Variants in GLI3 observed in about 807,000 individuals in gnomAD.
GLI3 encodes the protein transcription activator GLI3.
In GLI3, 20 loss-of-function variants were observed where a neutral mutation model predicts 100.8. That is an observed-to-expected ratio of 0.20 (90% CI 0.14 to 0.29). GLI3 has a LOEUF of 0.29. GLI3 is among the 10% of genes least tolerant of loss of function. The pLI, the probability that GLI3 is intolerant of heterozygous loss-of-function variation, is 1.00. For missense variants in GLI3, 2,040 were observed against 2,128.5 expected (o/e 0.96, Z 0.82); for synonymous variants, 938 against 860.5 (o/e 1.09, Z -1.58).
chr7:42,077,007 G>T, intron 3 of GLI3, 150 bp from the exon 4 acceptor site: 1 of 691,896 alleles, frequency 1.4e-6, no homozygotes. Context: ...TAGTTATGAA[G>T]CTCTGTGAGG....
intron 2 of GLI3, among the ~76,000 whole-genome samples, chr7:42,158,141 A>G (rs1787047054): frequency 6.6e-6 from 1 of 152,206 alleles, no homozygotes; most frequent in Admixed American, 6.5e-5. Flanking sequence ...CACTCTGGAA[A>G]GGCATAAATG....
rs374088219 is a variant in GLI3, at chr7:41,965,718, C to T, written c.3355G>A (p.Asp1119Asn). The change falls in exon 15 of 15, where the codon GAC (aspartate) becomes AAC (asparagine). Residue 1119 changes from aspartate to asparagine, a missense_variant. By Grantham distance (23) the Asp-to-Asn change is conservative. Coordinates refer to ENST00000395925, the MANE Select transcript of GLI3 (RefSeq NM_000168.6). Reference protein sequence around the residue: ...EQHFPSALPDDSKVPHGPGDF... With the variant: ...EQHFPSALPDNSKVPHGPGDF... ...CCGGGCCCGTGGGGCACTTTGCTGT[C>T]GTCCGGGAGGGCGCTGGGGAAGTGC... 3.1e-6 allele frequency: 5 copies of T among 1,613,714 alleles called. No individual in the cohort carries two copies. The highest frequency in any genetic ancestry group is 2.2e-5 in the East Asian group (1 of 44,828).
intron 2 of GLI3, among the ~76,000 whole-genome samples, chr7:42,166,982 C>G (rs1279878214): frequency 6.6e-6 from 1 of 152,050 alleles, no homozygotes; most frequent in African/African-American, 2.4e-5. Context: ...CATGCCACCA[C>G]GCCTGACTAA....
intron 5 of GLI3, among the ~76,000 whole-genome samples, chr7:42,048,017 G>C (rs963335231): frequency 2.0e-5 from 3 of 152,180 alleles, no homozygotes; most frequent in African/African-American, 7.2e-5. Context: ...AGTTTGGGAA[G>C]CCCTCCTCTA....
At chr7:42,207,291 C>T (rs577439387) in intron 2 of GLI3, among the ~76,000 whole-genome samples, 26 of 152,136 alleles carry the variant, frequency 1.7e-4, no homozygotes, top group Non-Finnish European at 3.2e-4. Context: ...ATCAACAGAG[C>T]GTTTCTTTCT....
intron 3 of GLI3, among the ~76,000 whole-genome samples, chr7:42,097,734 C>T (rs1319485817): frequency 1.3e-5 from 2 of 152,170 alleles, no homozygotes; most frequent in Admixed American, 1.3e-4. Flanking sequence ...AGTGAGTAAA[C>T]GTGTAATTCT....
chr7:42,124,970 C>G (rs1210599679), intron 3 of GLI3, among the ~76,000 whole-genome samples: 1 of 152,124 alleles, frequency 6.6e-6, no homozygotes, highest in Non-Finnish European at 1.5e-5. Context: ...ATAGATATTT[C>G]ATAAAGACAA....
At position 42,120,131 on chromosome 7, in the gene GLI3, C is replaced by T. The variant is rs1016800739; in HGVS notation, c.367+28095G>A. On this transcript the variant is annotated intron_variant, in intron 3 of 14. Transcript: ENST00000395925. ...GTGTGGAGTGGTAGGAAAATGCTGGCGACATTTTGACTTTAGCAGCCCCAC... is the reference window on the plus strand; with the variant it reads ...GTGTGGAGTGGTAGGAAAATGCTGGTGACATTTTGACTTTAGCAGCCCCAC... Among the ~76,000 whole-genome samples, 14 of 152,072 alleles carry T rather than the reference C, an allele frequency of 9.2e-5. 1 individual carries two copies. The highest frequency in any genetic ancestry group is 4.2e-4 in the South Asian group (2 of 4,812).
At chr7:42,076,907 G>T in intron 3 of GLI3, 50 bp from the exon 4 acceptor site, 1 of 1,083,238 alleles carries the variant, frequency 9.2e-7, no homozygotes, top group Non-Finnish European at 1.4e-6. Flanking sequence ...CTTTCAAACA[G>T]CATTCCGATT....
At chr7:42,216,673 A>C (rs765703550) in intron 2 of GLI3, among the ~76,000 whole-genome samples, 3 of 152,196 alleles carry the variant, frequency 2.0e-5, no homozygotes, top group Non-Finnish European at 4.4e-5. Flanking sequence ...TAAAATAATA[A>C]TAATTTTAAA....
chr7:42,239,472 T>C (rs558809164), upstream of GLI3, among the ~76,000 whole-genome samples: 6 of 152,332 alleles, frequency 3.9e-5, no homozygotes, highest in African/African-American at 1.4e-4. Context: ...CCAGCATCAG[T>C]TACAATTGTT....
At position 41,966,408 on chromosome 7, in the gene GLI3, C is replaced by G; in HGVS notation, c.2665G>C (p.Val889Leu). 6.2e-7 allele frequency: 1 copy of G among 1,611,396 alleles called. No individual in the cohort carries two copies. The highest frequency in any genetic ancestry group is 8.5e-7 in the Non-Finnish European group (1 of 1,179,398). Reference protein sequence around the residue: ...ASQAEGRPQNVSVADSYDPIS... With the variant: ...ASQAEGRPQNLSVADSYDPIS... ...GGGTCGTAGGAGTCGGCCACGCTCACGTTCTGCGGCCGGCCCTCGGCCTGT... is the reference window on the plus strand; with the variant it reads ...GGGTCGTAGGAGTCGGCCACGCTCAGGTTCTGCGGCCGGCCCTCGGCCTGT... Residue 889 changes from valine (V) to leucine (L), a missense_variant, in exon 15 of 15, where the codon GTG (valine) becomes CTG (leucine). Physicochemically the swap from Val to Leu is conservative, Grantham distance 32. This residue lies in a region of GLI3 where 327 missense variants were observed against 338.7 expected (regional missense o/e 0.97). Transcript: ENST00000395925. The surrounding 1 kb of genome is among the most constrained non-coding windows in gnomAD (Gnocchi z 5.8).
Position 41,972,224 on chromosome 7 carries a change from G to C in GLI3, c.2103+113C>G. ...GGTCACTGCCCTCATCGCCTCCTCA[G>C]ATCAGAGACAGCCTGACACAGTGAG... is the stretch of plus-strand genomic sequence containing the variant. On this transcript the variant is annotated intron_variant, in intron 13 of 14. Transcript: ENST00000395925. This position sits in a 1 kb window ranked among gnomAD's most constrained non-coding sequence, Gnocchi z 4.4. The C allele has an allele frequency of 1.0e-6, 1 of 1,003,222 alleles. No individual in the cohort carries two copies. The highest frequency in any genetic ancestry group is 1.6e-6 in the Non-Finnish European group (1 of 627,080). The allele number at this position is 1,003,222 out of a possible 1,614,324, so 62.1% of individuals were successfully genotyped here. A position where few individuals can be genotyped will look rare whatever the true frequency, so the allele number is the denominator to read the frequency against.
chr7:42,113,625 G>C (rs1785772418), intron 3 of GLI3: 1 of 959,562 alleles, frequency 1.0e-6, no homozygotes, highest in Non-Finnish European at 1.7e-6. Flanking sequence ...GCCAAGTGAA[G>C]TGTCTGCATT....
intron 2 of GLI3, among the ~76,000 whole-genome samples, chr7:42,209,812 T>C (rs1350946209): frequency 1.5e-5 from 2 of 137,144 alleles, no homozygotes; most frequent in Non-Finnish European, 3.2e-5. Context: ...CACTGAGAGG[T>C]TCTCTCTCTT....
chr7:41,988,232 C>T (rs58574961), intron 10 of GLI3, among the ~76,000 whole-genome samples: 54,107 of 151,890 alleles, frequency 0.36, 10,950 homozygotes, highest in East Asian at 0.8. Flanking sequence ...GAGGCCAAGG[C>T]GGGTGGATCA....
upstream of GLI3, among the ~76,000 whole-genome samples, chr7:42,239,797 C>G (rs563975207): frequency 6.6e-6 from 1 of 152,306 alleles, no homozygotes; most frequent in Non-Finnish European, 1.5e-5. Flanking sequence ...GTGTCCAACT[C>G]TGCTTTAATG....
At chr7:42,220,620 TA>T (rs1228430150) in intron 2 of GLI3, among the ~76,000 whole-genome samples, 1 of 152,152 alleles carries the variant, frequency 6.6e-6, no homozygotes, top group Non-Finnish European at 1.5e-5. Flanking sequence ...CCTGGGACTG[TA>T]AAAAGGCTCT....
chr7:42,166,987 G>C (rs1218238106), intron 2 of GLI3, among the ~76,000 whole-genome samples: 4 of 151,982 alleles, frequency 2.6e-5, no homozygotes. Context: ...CACCACGCCT[G>C]ACTAATTTTT....
Sources: gnomAD v4.1 joint callset for allele counts (sites outside exome capture counted in the v4.1 genomes callset) on GRCh38, gnomAD v4.1.1 for gene constraint, gnomAD v4.1.1 regional missense constraint, Gnocchi (gnomAD v3.1) non-coding constraint, MANE v1.5 for transcripts, NCBI Gene and HGNC (gene_info 2026-07-23, HGNC 2026-07-21) for gene names.